BMPR2: variants seen among roughly 807,000 people sequenced by gnomAD.
The protein encoded by BMPR2 is bone morphogenetic protein receptor type-2.
Under a neutral mutation model 100.8 loss-of-function variants are expected in BMPR2, and 29 were observed. The ratio of observed to expected loss-of-function variants is 0.29; its 90% CI spans 0.21 to 0.39. BMPR2 has a LOEUF of 0.39. Among genes scored for constraint, BMPR2 ranks in the 10% least tolerant of loss-of-function variants. The pLI is 1.00. For missense variants in BMPR2, 1,011 were observed against 1,274.5 expected (o/e 0.79, Z 3.15); for synonymous variants, 382 against 442.3 (o/e 0.86, Z 1.71).
chr2:202,457,737 T>A (rs1008524734), intron 1 of BMPR2, among the ~76,000 whole-genome samples: 1 of 152,024 alleles, frequency 6.6e-6, no homozygotes, highest in Non-Finnish European at 1.5e-5. Context: ...TTGACTTTTT[T>A]GGTTTTTTTT....
intron 1 of BMPR2, among the ~76,000 whole-genome samples, chr2:202,435,372 A>AATAC (rs1553500522): frequency 1.5e-4 from 9 of 59,938 alleles, no homozygotes; most frequent in South Asian, 1.0e-3. Context: ...TCAAAAAAAA[A>AATAC]ATACATATAT....
intron 10 of BMPR2, among the ~76,000 whole-genome samples, chr2:202,551,793 G>A (rs1020190742): frequency 2.0e-5 from 3 of 151,850 alleles, no homozygotes; most frequent in African/African-American, 4.8e-5. Context: ...TCTGCCTCCC[G>A]GGTTGAAGCA....
chr2:202,479,002 C>T (rs1692606452), intron 3 of BMPR2, among the ~76,000 whole-genome samples: 1 of 152,120 alleles, frequency 6.6e-6, no homozygotes, highest in Non-Finnish European at 1.5e-5. Flanking sequence ...TGACATGGTT[C>T]CCAATGATCC....
intron 1 of BMPR2, among the ~76,000 whole-genome samples, chr2:202,425,044 C>T (rs1044990251): frequency 1.3e-5 from 2 of 151,940 alleles, no homozygotes; most frequent in South Asian, 4.2e-4. Context: ...CTGCAACCTC[C>T]ACCTCCTGGG....
intron 7 of BMPR2, among the ~76,000 whole-genome samples, chr2:202,523,399 C>A (rs1687853395): frequency 6.6e-6 from 1 of 152,136 alleles, no homozygotes; most frequent in Non-Finnish European, 1.5e-5. Context: ...CAAAAGAAAG[C>A]AAATAATTCT....
intron 1 of BMPR2, among the ~76,000 whole-genome samples, chr2:202,382,284 T>C (rs1574418357): frequency 6.6e-6 from 1 of 152,252 alleles, no homozygotes; most frequent in East Asian, 1.9e-4. Flanking sequence ...GGTCTCGAAC[T>C]CCTGATCTTG....
chr2:202,385,675 A>AG (rs1347975134), intron 1 of BMPR2, among the ~76,000 whole-genome samples: 1 of 151,244 alleles, frequency 6.6e-6, no homozygotes, highest in East Asian at 1.9e-4. Context: ...AAAAAAAAAA[A>AG]AAAGCATGTA....
chr2:202,544,733 A>G (rs1688342518), intron 10 of BMPR2, among the ~76,000 whole-genome samples: 1 of 149,400 alleles, frequency 6.7e-6, no homozygotes, highest in Non-Finnish European at 1.5e-5. Flanking sequence ...TCTTAAATTC[A>G]GAGGAATTTT....
intron 3 of BMPR2, among the ~76,000 whole-genome samples, chr2:202,483,921 G>A (rs1342415406): frequency 6.6e-6 from 1 of 152,068 alleles, no homozygotes; most frequent in Non-Finnish European, 1.5e-5. Flanking sequence ...GTGAGACCTT[G>A]TCTCTGAAAA....
chr2:202,477,625 G>A (rs971051814), intron 3 of BMPR2, among the ~76,000 whole-genome samples: 3 of 151,970 alleles, frequency 2.0e-5, no homozygotes, highest in Non-Finnish European at 4.4e-5. Flanking sequence ...CACCTCTACT[G>A]AAAATACAAA....
intron 10 of BMPR2, among the ~76,000 whole-genome samples, chr2:202,546,748 C>T (rs997869896): frequency 6.6e-6 from 1 of 152,100 alleles, no homozygotes; most frequent in African/African-American, 2.4e-5. Context: ...GGACTACAGT[C>T]ACGTGCCACC....
chr2:202,547,010 C>G (rs1688387940), intron 10 of BMPR2, among the ~76,000 whole-genome samples: 1 of 152,030 alleles, frequency 6.6e-6, no homozygotes, highest in Non-Finnish European at 1.5e-5. Context: ...TCAAGCAATC[C>G]TCCCACCTCG....
At chr2:202,492,273 G>T (rs6739198) in intron 3 of BMPR2, among the ~76,000 whole-genome samples, 21,992 of 151,928 alleles carry the variant, frequency 0.14, 1,705 homozygotes, top group South Asian at 0.25. Flanking sequence ...AGTTACATAA[G>T]TGTTTGCTTC....
chr2:202,470,670 AG>A lies in BMPR2; in HGVS notation c.418+2983del, dbSNP rs377575725. On this transcript the variant is annotated intron_variant, in intron 3 of 12. Transcript: ENST00000374580. The stretch of plus-strand genomic sequence containing the variant: ...TCCCAGCTACTCGGGAGGCTGAGGC[AG>A]GAGAATGGCGTGAACCCGGGAAGCG... Among the ~76,000 whole-genome samples the A allele has an allele frequency of 3.6e-3, 547 of 150,942 alleles. 3 individuals are homozygous for A. Among genetic ancestry groups the A allele is most frequent in the African/African-American group, 0.011 (452 of 41,110 alleles).
intron 10 of BMPR2, among the ~76,000 whole-genome samples, chr2:202,547,961 T>C (rs1402479508): frequency 2.0e-5 from 3 of 151,916 alleles, no homozygotes; most frequent in Non-Finnish European, 1.5e-5. Context: ...GGCAGGTGCC[T>C]GTAATCTCAG....
rs1424234894 is a variant in BMPR2, at chr2:202,561,451, A to G, written c.*1505A>G. 6.6e-6 allele frequency: 1 copy of G among 151,970 alleles called. No individual in the cohort carries two copies. Among genetic ancestry groups the G allele is most frequent in the African/African-American group, 2.4e-5 (1 of 41,400 alleles). 9.4% of individuals were successfully genotyped at this position (151,970 alleles called of 1,614,324 possible). A position where few individuals can be genotyped will look rare whatever the true frequency, so the allele number is the denominator to read the frequency against. ...TAATCTCCTCTAAAACAACCTCTGC[A>G]TGTTTTTTTTAAATAAAGCACTTTC... On this transcript the variant is annotated 3_prime_UTR_variant, in exon 13 of 13. Coordinates refer to ENST00000374580, the MANE Select transcript of BMPR2 (RefSeq NM_001204.7).
intron 1 of BMPR2, among the ~76,000 whole-genome samples, chr2:202,407,633 G>C (rs899214078): frequency 1.3e-5 from 2 of 151,670 alleles, no homozygotes; most frequent in African/African-American, 4.8e-5. Context: ...GCCAGGCGTG[G>C]TGGCGGGCGC....
chr2:202,430,118 TAGAG>T (rs1691474659), intron 1 of BMPR2, among the ~76,000 whole-genome samples: 2 of 152,126 alleles, frequency 1.3e-5, no homozygotes, highest in African/African-American at 2.4e-5. Context: ...ACTGTGAAAT[TAGAG>T]AGAAAGAAAT....
rs6742403 is a variant in BMPR2, at chr2:202,465,227, A to G, written c.247+248A>G. Among the ~76,000 whole-genome samples, 12,093 of 152,126 alleles carry G rather than the reference A, an allele frequency of 0.079. 684 individuals carry two copies. The highest frequency in any genetic ancestry group is 0.12 in the Non-Finnish European group (8,131 of 67,964). On this transcript the variant is annotated intron_variant, in intron 2 of 12. Transcript: ENST00000374580. ...AACATGGTGAAACCCCGTCTCTACT[A>G]AAAATACAAAAATTAGTCGGGTATG...
Sources: gnomAD v4.1 joint callset for allele counts (sites outside exome capture counted in the v4.1 genomes callset) on GRCh38, gnomAD v4.1.1 for gene constraint, MANE v1.5 for transcripts, NCBI Gene and HGNC (gene_info 2026-07-23, HGNC 2026-07-21) for gene names.